The following DENND5B variants were observed in gnomAD, a reference collection of about 807,000 sequenced individuals.
DENND5B encodes DENN domain containing 5B, also known as DENN domain-containing protein 5B.
Under a neutral mutation model 140.6 loss-of-function variants are expected in DENND5B, and 34 were observed. The ratio of observed to expected loss-of-function variants is 0.24; its 90% CI spans 0.18 to 0.32. The LOEUF (loss-of-function observed/expected upper bound fraction) is 0.32, where lower values mean the gene tolerates loss of function less well. DENND5B is among the 10% of genes least tolerant of loss of function. The pLI is 1.00. For synonymous variants in DENND5B, 551 were observed against 562.1 expected (o/e 0.98, Z 0.28); for missense variants, 1,142 against 1,560.2 (o/e 0.73, Z 4.52).
intron 3 of DENND5B, among the ~76,000 whole-genome samples, chr12:31,468,240 C>G (rs1945370872): frequency 6.6e-6 from 1 of 152,060 alleles, no homozygotes; most frequent in Non-Finnish European, 1.5e-5. Flanking sequence ...GGCAACAGAG[C>G]AAGACCCTGT....
chr12:31,590,619 TG>T, intron 1 of DENND5B, 86 bp downstream of exon 1: 1 of 1,348,340 alleles, frequency 7.4e-7, no homozygotes, highest in Non-Finnish European at 9.5e-7. Flanking sequence ...TGACTTTGTC[TG>T]GAGCCTGCAC....
chr12:31,556,944 T>G (rs1949307227), intron 1 of DENND5B, among the ~76,000 whole-genome samples: 1 of 152,164 alleles, frequency 6.6e-6, no homozygotes, highest in Non-Finnish European at 1.5e-5. Flanking sequence ...ACTAGGAGGT[T>G]CTCCTCAATG....
chr12:31,572,026 A>G (rs539548856), intron 1 of DENND5B, among the ~76,000 whole-genome samples: 1 of 152,236 alleles, frequency 6.6e-6, no homozygotes, highest in South Asian at 2.1e-4. Context: ...GGAGCTCAAG[A>G]CCAGCCTGAC....
intron 2 of DENND5B, among the ~76,000 whole-genome samples, chr12:31,486,475 G>A (rs901159136): frequency 1.5e-4 from 23 of 152,142 alleles, no homozygotes; most frequent in African/African-American, 5.6e-4. Flanking sequence ...AAAACCCTTA[G>A]GTCAAATACA....
chr12:31,475,191 C>A (rs1054102924), intron 3 of DENND5B, among the ~76,000 whole-genome samples: 1 of 152,038 alleles, frequency 6.6e-6, no homozygotes, highest in Admixed American at 6.6e-5. Flanking sequence ...ATATACAATG[C>A]CTTTTTGTAG....
At chr12:31,404,910 C>G (rs1268675166) in intron 14 of DENND5B, among the ~76,000 whole-genome samples, 2 of 151,906 alleles carry the variant, frequency 1.3e-5, no homozygotes, top group Non-Finnish European at 2.9e-5. Flanking sequence ...CAACTGCACA[C>G]CACCACGGCC....
At position 31,505,097 on chromosome 12, in the gene DENND5B, GTTTTTA is replaced by G. The variant is rs1591943359; in HGVS notation, c.128-9184_128-9179del. Among the ~76,000 whole-genome samples, 3 of 152,270 alleles carry G rather than the reference GTTTTTA, an allele frequency of 2.0e-5. No homozygotes were observed. In the East Asian group the frequency reaches 5.8e-4, roughly 29 times the overall value. ...GCTATTCATGTGTTTACTAGCCTGA[GTTTTTA>G]TTTGTGTTCGTTTTGACTTTCTGAC... On this transcript the variant is annotated intron_variant, in intron 1 of 20. Coordinates refer to ENST00000389082, the MANE Select transcript of DENND5B (RefSeq NM_144973.4).
rs1477440998 is a variant in DENND5B, at chr12:31,423,661, C to T, written c.2406G>A (p.Leu802=). ...CCTGAAATTGAATTAAATGTGACCACAAAGCCGACTTCCCCTGAAAGTACA... is the reference window on the plus strand; with the variant it reads ...CCTGAAATTGAATTAAATGTGACCATAAAGCCGACTTCCCCTGAAAGTACA... The part of the protein sequence containing the change: ...GLQVKQGKSA[L]WSHLIQFQDR... The change falls in exon 11 of 21, where the codon TTG becomes TTA. Residue 802 remains leucine, a synonymous_variant. Coordinates refer to ENST00000389082, the MANE Select transcript of DENND5B (RefSeq NM_144973.4). The T allele has an allele frequency of 5.0e-6, 8 of 1,613,740 alleles. No homozygotes were observed. In the African/African-American group the frequency reaches 8.0e-5, roughly 16 times the overall value.
chr12:31,390,223 G>T (rs953078673), intron 19 of DENND5B, among the ~76,000 whole-genome samples: 7 of 152,222 alleles, frequency 4.6e-5, no homozygotes, highest in African/African-American at 1.7e-4. Context: ...AGAGCTTCCT[G>T]TGATGATGAA....
intron 5 of DENND5B, among the ~76,000 whole-genome samples, chr12:31,448,725 T>G (rs1347829127): frequency 2.0e-5 from 3 of 152,092 alleles, no homozygotes; most frequent in Non-Finnish European, 4.4e-5. Flanking sequence ...AGGCACTGCC[T>G]GGAAGCTGGG....
chr12:31,423,479 C>A, intron 11 of DENND5B, 118 bp downstream of exon 11: 1 of 1,035,958 alleles, frequency 9.7e-7, no homozygotes, highest in Non-Finnish European at 1.4e-6. Context: ...TACTTTATCC[C>A]ATTATTGGCA....
intron 8 of DENND5B, chr12:31,432,473 G>C (rs930378994): frequency 6.6e-6 from 1 of 151,932 alleles, no homozygotes; most frequent in Non-Finnish European, 1.5e-5. Flanking sequence ...CATAAGAAAC[G>C]AAACAATCAG....
rs921599990 is a variant in DENND5B at position 31,386,638 on chromosome 12, G to C, written c.*965C>G. On this transcript the variant is annotated 3_prime_UTR_variant, in exon 21 of 21. Transcript: ENST00000389082. ...TTAGACATTCCTTCCATTTCCCGAGGGGGGATGGGCCCTGGAGAGGTGGGT... is the reference window on the plus strand; with the variant it reads ...TTAGACATTCCTTCCATTTCCCGAGCGGGGATGGGCCCTGGAGAGGTGGGT... The C allele has an allele frequency of 6.6e-6, 1 of 152,228 alleles. No homozygotes were observed. The highest frequency in any genetic ancestry group is 1.5e-5 in the Non-Finnish European group (1 of 68,078). 9.4% of individuals were successfully genotyped at this position (152,228 alleles called of 1,614,324 possible). A position where few individuals can be genotyped will look rare whatever the true frequency, so the allele number is the denominator to read the frequency against.
chr12:31,501,499 C>T (rs986387533), intron 1 of DENND5B, among the ~76,000 whole-genome samples: 2 of 152,168 alleles, frequency 1.3e-5, no homozygotes, highest in African/African-American at 4.8e-5. Context: ...AGAGGCCGGG[C>T]GCAGTGGCTC....
intron 1 of DENND5B, among the ~76,000 whole-genome samples, chr12:31,519,021 T>C (rs1947784071): frequency 6.6e-6 from 1 of 152,242 alleles, no homozygotes; most frequent in Non-Finnish European, 1.5e-5. Flanking sequence ...GCAGCAGCTA[T>C]GTAAAAATCT....
chr12:31,590,505 TG>T, intron 1 of DENND5B, 200 bp downstream of exon 1: 1 of 611,470 alleles, frequency 1.6e-6, no homozygotes, highest in Non-Finnish European at 2.5e-6. Flanking sequence ...AAAGCCCCGG[TG>T]GGCGCAGCCG....
chr12:31,411,180 A>C (rs2137540797), intron 13 of DENND5B, among the ~76,000 whole-genome samples: 2 of 151,994 alleles, frequency 1.3e-5, no homozygotes, highest in Admixed American at 1.3e-4. Flanking sequence ...CTGGGATTAC[A>C]GGCATGTGCC....
chr12:31,468,675 G>A (rs1430932557), intron 3 of DENND5B, among the ~76,000 whole-genome samples: 4 of 151,948 alleles, frequency 2.6e-5, no homozygotes, highest in Admixed American at 2.6e-4. Flanking sequence ...GCCAGGCATG[G>A]TGGCACACAC....
chr12:31,565,301 G>C (rs1307895987), intron 1 of DENND5B, among the ~76,000 whole-genome samples: 1 of 152,190 alleles, frequency 6.6e-6, no homozygotes, highest in African/African-American at 2.4e-5. Context: ...GACTAGGATA[G>C]AAAGATCGCT....
Sources: gnomAD v4.1 joint callset for allele counts (sites outside exome capture counted in the v4.1 genomes callset) on GRCh38, gnomAD v4.1.1 for gene constraint, MANE v1.5 for transcripts, NCBI Gene and HGNC (gene_info 2026-07-23, HGNC 2026-07-21) for gene names.